The following CRACD variants were observed in gnomAD, a reference collection of about 807,000 sequenced individuals.
CRACD encodes the protein capping protein-inhibiting regulator of actin dynamics.
In CRACD, 56 loss-of-function variants were observed where a neutral mutation model predicts 106.8. That is an observed-to-expected ratio of 0.52 (90% CI 0.42 to 0.66). CRACD has a LOEUF of 0.66. Ranked by LOEUF, CRACD falls within the 30% of genes least tolerant of loss-of-function variation. The pLI, the probability that CRACD is intolerant of heterozygous loss-of-function variation, is 0.00. For synonymous variants in CRACD, 754 were observed against 670.8 expected, an observed-to-expected ratio of 1.12 and a Z score of -1.92; for missense variants, 1,730 against 1,623.2, an observed-to-expected ratio of 1.07 and a Z score of -1.13.
At chr4:56,127,735 G>A (rs932784885) in intron 1 of CRACD, among the ~76,000 whole-genome samples, 4 of 152,198 alleles carry the variant, frequency 2.6e-5, no homozygotes, top group Non-Finnish European at 5.9e-5. Flanking sequence ...AATGCTGTCA[G>A]AGGTCATTCT....
intron 5 of CRACD, chr4:56,308,802 C>A: frequency 7.8e-7 from 1 of 1,273,910 alleles, no homozygotes; most frequent in Non-Finnish European, 1.0e-6. Flanking sequence ...CAGTGCTAGG[C>A]AGAAGCAACA....
Position 56,198,965 on chromosome 4 carries a change from T to G in CRACD, c.-189+19535T>G, listed in dbSNP as rs61703161. On this transcript the variant is annotated intron_variant, in intron 2 of 10. Transcript: ENST00000682029. ...TTTCTTTCATTATTTACTTCCTGAC[T>G]TTTTTTTACCAGCTTCTGGGTTTTT... Among the ~76,000 whole-genome samples the G allele has an allele frequency of 6.7e-3, 1,015 of 151,766 alleles. 18 individuals are homozygous for G. The highest frequency in any genetic ancestry group is 0.023 in the African/African-American group (973 of 41,434).
chr4:56,304,578 G>A (rs756554890), intron 4 of CRACD, among the ~76,000 whole-genome samples: 1 of 151,894 alleles, frequency 6.6e-6, no homozygotes. Flanking sequence ...AGGAGTTCCC[G>A]ACCAGCCTGA....
At chr4:56,217,755 C>G (rs1450985140) in intron 2 of CRACD, among the ~76,000 whole-genome samples, 1 of 152,134 alleles carries the variant, frequency 6.6e-6, no homozygotes, top group Non-Finnish European at 1.5e-5. Context: ...CATATTTGAC[C>G]ACCACTTTCC....
intron 2 of CRACD, chr4:56,196,246 G>A (rs1737603078): frequency 6.6e-6 from 1 of 152,658 alleles, no homozygotes; most frequent in African/African-American, 2.4e-5. Flanking sequence ...TCACAGAAAT[G>A]GAGGATACAG....
At chr4:56,246,013 G>A (rs192502031) in intron 2 of CRACD, among the ~76,000 whole-genome samples, 12 of 152,270 alleles carry the variant, frequency 7.9e-5, no homozygotes, top group Non-Finnish European at 1.5e-4. Flanking sequence ...TTTGTCCTAG[G>A]TAGATACTGA....
intron 8 of CRACD, among the ~76,000 whole-genome samples, chr4:56,320,200 C>T (rs979515763): frequency 1.3e-5 from 2 of 151,362 alleles, no homozygotes; most frequent in African/African-American, 2.4e-5. Context: ...GAAATTCTAA[C>T]GTACTTAGGG....
intron 2 of CRACD, among the ~76,000 whole-genome samples, chr4:56,200,825 C>A (rs1737848612): frequency 6.6e-6 from 1 of 152,130 alleles, no homozygotes; most frequent in Admixed American, 6.6e-5. Context: ...AGTAAAACAA[C>A]CTTATTGAAA....
rs755261143 is a variant in CRACD at position 56,214,679 on chromosome 4, C to CTT, written c.-189+35250_-189+35251insTT. Among the ~76,000 whole-genome samples, 521 of 71,950 alleles carry CTT rather than the reference C, an allele frequency of 7.2e-3. 1 individual carries two copies. Among genetic ancestry groups the CTT allele is most frequent in the South Asian group, 0.021 (31 of 1,488 alleles). 47.2% of individuals were successfully genotyped at this position (71,950 alleles called of 152,430 possible). A position where few individuals can be genotyped will look rare whatever the true frequency, so the allele number is the denominator to read the frequency against. On this transcript the variant is annotated intron_variant, in intron 2 of 10. Transcript: ENST00000682029. The stretch of plus-strand genomic sequence containing the variant: ...TCTCTCTCTCTCTCTCTCTCTCTCT[C>CTT]TCTATATATATATATATCAAACAGT...
At chr4:56,100,250 C>CG (rs1397004891) in intron 1 of CRACD, among the ~76,000 whole-genome samples, 4 of 151,344 alleles carry the variant, frequency 2.6e-5, no homozygotes, top group South Asian at 2.1e-4. Flanking sequence ...CTTGCGGGGA[C>CG]GGGGGGGAAG....
At chr4:56,229,061 A>G (rs543775401) in intron 2 of CRACD, among the ~76,000 whole-genome samples, 2 of 152,334 alleles carry the variant, frequency 1.3e-5, no homozygotes, top group South Asian at 4.1e-4. Flanking sequence ...TTGCAATGAT[A>G]TTATAACAGT....
In CRACD at chr4:56,152,211, G is replaced by T. The variant is rs190929264; in HGVS notation, c.-335-27073G>T. On this transcript the variant is annotated intron_variant, in intron 1 of 10. Transcript: ENST00000682029. ...TTTTTTTTTTTTTAGTAGAGACGGG[G>T]TTTCACTGTGTTAGCCAGGATGGTC... Among the ~76,000 whole-genome samples the T allele has an allele frequency of 1.4e-4, 21 of 151,508 alleles. No homozygotes were observed. The East Asian group carries it at 4.1e-3, about 30-fold the overall frequency.
At chr4:56,216,433 CAAT>C (rs1437696457) in intron 2 of CRACD, among the ~76,000 whole-genome samples, 4 of 152,114 alleles carry the variant, frequency 2.6e-5, no homozygotes, top group South Asian at 2.1e-4. Flanking sequence ...CTATTTAAGA[CAAT>C]GATGTGTATT....
chr4:56,150,245 T>C (rs956610893), intron 1 of CRACD, among the ~76,000 whole-genome samples: 4 of 152,216 alleles, frequency 2.6e-5, no homozygotes, highest in East Asian at 3.8e-4. Context: ...TTTGTACATA[T>C]GTAAAAGGGA....
chr4:56,301,234 G>T, intron 4 of CRACD: 1 of 1,287,880 alleles, frequency 7.8e-7, no homozygotes, highest in Non-Finnish European at 1.0e-6. Flanking sequence ...AGTCGACTAA[G>T]CAGTATGTTC....
At position 56,297,359 on chromosome 4, in the gene CRACD, G is replaced by A. The variant is rs577551332; in HGVS notation, c.-16-855G>A. Among the ~76,000 whole-genome samples the A allele has an allele frequency of 2.6e-5, 4 of 152,168 alleles. No homozygotes were observed. The East Asian group carries it at 7.7e-4, about 29-fold the overall frequency. ...GGGCTTAGTGGCTCATGCCTGTAAT[G>A]CCAGTGCTTTGTGAGGAAGCCAGGA... On this transcript the variant is annotated intron_variant, in intron 3 of 10. Coordinates refer to ENST00000682029, the MANE Select transcript of CRACD (RefSeq NM_001393381.1).
chr4:56,315,775 C>A lies in CRACD; in HGVS notation c.2273C>A (p.Ala758Asp). The A allele has an allele frequency of 6.2e-7, 1 of 1,614,156 alleles. No individual in the cohort carries two copies. Among genetic ancestry groups the A allele is most frequent in the Non-Finnish European group, 8.5e-7 (1 of 1,180,006 alleles). The change falls in exon 8 of 11, where the codon GCC becomes GAC. Residue 758 changes from alanine (A) to aspartate (D), a missense_variant. Ala to Asp is a moderately radical substitution (Grantham distance 126). Transcript: ENST00000682029. This position sits in a 1 kb window ranked among gnomAD's most constrained non-coding sequence, Gnocchi z 4.1. Reference sequence around the variant, plus strand: ...ATGCTGGGACCCAGCGAAGAGACAGCCCCCCAGCCTCCTCCTGCTGGTGTT... The same window carrying A: ...ATGCTGGGACCCAGCGAAGAGACAGACCCCCAGCCTCCTCCTGCTGGTGTT... Reference protein sequence around the residue: ...RPMLGPSEETAPQPPPAGVRE... With the variant: ...RPMLGPSEETDPQPPPAGVRE...
intron 1 of CRACD, among the ~76,000 whole-genome samples, chr4:56,090,578 A>ATTTTTT (rs1733393722): frequency 6.6e-6 from 1 of 152,076 alleles, no homozygotes; most frequent in Admixed American, 6.5e-5. Flanking sequence ...TATTTTTTGT[A>ATTTTTT]GAGACAAGGT....
chr4:56,121,686 C>T (rs1048575137), intron 1 of CRACD, among the ~76,000 whole-genome samples: 1 of 152,044 alleles, frequency 6.6e-6, no homozygotes, highest in African/African-American at 2.4e-5. Context: ...GACTATGTAG[C>T]ATGATGGGTT....
Sources: allele counts gnomAD v4.1 joint callset (sites outside exome capture counted in the v4.1 genomes callset), GRCh38; gene constraint gnomAD v4.1.1; non-coding constraint Gnocchi (gnomAD v3.1); transcripts MANE v1.5; gene names NCBI Gene and HGNC (gene_info 2026-07-23, HGNC 2026-07-21).